Variants in IGF2 observed in about 807,000 individuals in gnomAD.
IGF2 encodes insulin-like growth factor 2.
IGF2 carries 2 observed loss-of-function variants against 12.0 expected under a neutral mutation model. That is an observed-to-expected ratio of 0.17 (90% CI 0.07 to 0.52). IGF2 has a LOEUF of 0.52. Ranked by LOEUF, IGF2 falls within the 20% of genes least tolerant of loss-of-function variation. IGF2 has a pLI of 0.95. For missense variants in IGF2, 211 were observed against 268.0 expected (o/e 0.79, Z 1.48); for synonymous variants, 105 against 110.1 (o/e 0.95, Z 0.29).
In IGF2 at chr11:2,133,683, CAG is replaced by C; in HGVS notation, c.158-20_158-19del. 2.5e-6 allele frequency: 4 copies of C among 1,612,442 alleles called. No homozygotes were observed. Among genetic ancestry groups the C allele is most frequent in the South Asian group, 1.1e-5 (1 of 90,994 alleles). The stretch of plus-strand genomic sequence containing the variant: ...GGGCCTGCCTGGAAGTCCCACAGCA[CAG>C]AGAGAGCCGTGTTAGCACCGCACTG... On this transcript the variant is annotated intron_variant, in intron 2 of 3. Transcript: ENST00000416167. The surrounding 1 kb of genome is among the most constrained non-coding windows in gnomAD (Gnocchi z 8.9).
upstream of IGF2, among the ~76,000 whole-genome samples, chr11:2,142,770 C>G (rs1042963473): frequency 1.3e-5 from 2 of 152,190 alleles, no homozygotes; most frequent in African/African-American, 4.8e-5. This position sits in a 1 kb window ranked among gnomAD's most constrained non-coding sequence, Gnocchi z 5.7. Flanking sequence ...GAACTGGGGC[C>G]GTTAGCAACA....
chr11:2,144,077 C>T (rs1199021278), upstream of IGF2, among the ~76,000 whole-genome samples: 1 of 110,268 alleles, frequency 9.1e-6, no homozygotes, highest in Non-Finnish European at 1.9e-5. Flanking sequence ...GTTTTTCTTC[C>T]TTTTGCTTTT....
Position 2,129,620 on chromosome 11 carries a change from C to G in IGF2, c.*3367G>C, listed in dbSNP as rs1212719570. The stretch of plus-strand genomic sequence containing the variant: ...GGGTTCCACAATTGTGACAATTTGG[C>G]TCTTTGGGCTTCTGTCCAATGTTCC... On this transcript the variant is annotated 3_prime_UTR_variant, in exon 4 of 4. Coordinates refer to ENST00000416167, the MANE Select transcript of IGF2 (RefSeq NM_000612.6). The surrounding 1 kb of genome is among the most constrained non-coding windows in gnomAD (Gnocchi z 8.1). 1 of 230,704 alleles carries G rather than the reference C, an allele frequency of 4.3e-6. No homozygotes were observed. Among genetic ancestry groups the G allele is most frequent in the Non-Finnish European group, 8.6e-6 (1 of 116,364 alleles). 14.3% of individuals were successfully genotyped at this position (230,704 alleles called of 1,614,324 possible).
chr11:2,138,149 GC>G, intron 1 of IGF2, 79 bp downstream of exon 1: 1 of 886,904 alleles, frequency 1.1e-6, no homozygotes, highest in Non-Finnish European at 1.4e-6. Flanking sequence ...CCGGGAGCGG[GC>G]GGAGGAAGGG....
In IGF2 at chr11:2,133,552, C is replaced by A. The variant is rs1590115049; in HGVS notation, c.271G>T (p.Glu91Ter). 6.2e-7 allele frequency: 1 copy of A among 1,612,836 alleles called. No homozygotes were observed. The highest frequency in any genetic ancestry group is 1.7e-5 in the Admixed American group (1 of 59,982). Residue 91 changes from glutamate (E) to a stop codon, truncating the protein, a stop_gained, in exon 3 of 4, where the codon GAG becomes TAG. Transcript: ENST00000416167. LOFTEE classifies it high-confidence loss of function. This position sits in a 1 kb window ranked among gnomAD's most constrained non-coding sequence, Gnocchi z 8.9. The part of the protein sequence containing the change: ...ETYCATPAKS[E>*]RDVSTPPTVL... ...GTCGGAGGGGTCGACACGTCCCTCT[C>A]GGACTTGGCGGGGGTAGCACAGTAC...
At chr11:2,147,635 G>A in the IGF2 span, 10 of 1,243,928 alleles carry the variant, frequency 8.0e-6, no homozygotes, top group South Asian at 4.0e-5. The surrounding 1 kb of genome is among the most constrained non-coding windows in gnomAD (Gnocchi z 7.2). Context: ...CGCTGGGGTC[G>A]CCTGGGCCAC....
intron 1 of IGF2, among the ~76,000 whole-genome samples, chr11:2,137,495 T>A (rs895517143): frequency 6.7e-6 from 1 of 150,324 alleles, no homozygotes; most frequent in Non-Finnish European, 1.5e-5. Flanking sequence ...GCTCCCATCC[T>A]GCACCCCCGG....
In IGF2 at chr11:2,133,266, G is replaced by A. The variant is rs1196276879; in HGVS notation, c.307-43C>T. ...TGGTCAGCAGGTGCCTGCTCTCCAC[G>A]CTCTTCCGCCTGAGCCGCCCGCCTG... On this transcript the variant is annotated intron_variant, in intron 3 of 3. Transcript: ENST00000416167. The surrounding 1 kb of genome is among the most constrained non-coding windows in gnomAD (Gnocchi z 8.9). 1.3e-5 allele frequency: 18 copies of A among 1,361,654 alleles called. No individual in the cohort carries two copies. Among genetic ancestry groups the A allele is most frequent in the Admixed American group, 6.9e-5 (3 of 43,234 alleles). 84.3% of individuals were successfully genotyped at this position (1,361,654 alleles called of 1,614,324 possible). A position where few individuals can be genotyped will look rare whatever the true frequency, so the allele number is the denominator to read the frequency against.
chr11:2,139,894 C>A (rs965159647), upstream of IGF2, among the ~76,000 whole-genome samples: 17 of 152,130 alleles, frequency 1.1e-4, no homozygotes, highest in South Asian at 3.5e-3. Context: ...CCCCTGGGCT[C>A]GGGCGGGGCG....
chr11:2,136,157 G>C (rs947505747), intron 1 of IGF2, among the ~76,000 whole-genome samples: 1 of 152,190 alleles, frequency 6.6e-6, no homozygotes, highest in Non-Finnish European at 1.5e-5. Flanking sequence ...CCAGGCCTGG[G>C]TCAAGGACTC....
chr11:2,144,540 G>T (rs920708595), upstream of IGF2, among the ~76,000 whole-genome samples: 1 of 152,252 alleles, frequency 6.6e-6, no homozygotes, highest in East Asian at 1.9e-4. Flanking sequence ...CGGGAGGAGG[G>T]GGGTGCAGGG....
rs963288409 is a variant in IGF2 at position 2,129,740 on chromosome 11, A to G, written c.*3247T>C. ...CCGGGGTCATGCCAGCCCCGTCACC[A>G]GGACCCAGAAGCCTCAGGCCTCTAG... On this transcript the variant is annotated 3_prime_UTR_variant, in exon 4 of 4. Transcript: ENST00000416167. The surrounding 1 kb of genome is among the most constrained non-coding windows in gnomAD (Gnocchi z 8.1). The G allele has an allele frequency of 3.9e-5, 9 of 231,878 alleles. No homozygotes were observed. Among genetic ancestry groups the G allele is most frequent in the South Asian group, 3.6e-4 (2 of 5,526 alleles). 14.4% of individuals were successfully genotyped at this position (231,878 alleles called of 1,614,324 possible).
chr11:2,132,043 T>TGCTC lies in IGF2; in HGVS notation c.*943_*944insGAGC, dbSNP rs1554913020. 9 of 184,380 alleles carry TGCTC rather than the reference T, an allele frequency of 4.9e-5. No homozygotes were observed. The highest frequency in any genetic ancestry group is 2.0e-4 in the South Asian group (1 of 4,948). The allele number at this position is 184,380 out of a possible 1,614,324, so 11.4% of individuals were successfully genotyped here. On this transcript the variant is annotated 3_prime_UTR_variant, in exon 4 of 4. Transcript: ENST00000416167. ...CTGTGTGCTGTGTGTGCTGTGCGTT[T>TGCTC]GTGTGTGTGCTGTGCTCGTGTGTGT...
intron 1 of IGF2, 130 bp from the exon 2 acceptor site, chr11:2,135,659 C>T: frequency 1.3e-6 from 1 of 765,462 alleles, no homozygotes; most frequent in Non-Finnish European, 2.1e-6. Context: ...TTCCTATAAA[C>T]ATTATTTTTA....
Position 2,133,736 on chromosome 11 carries a change from G to A in IGF2, c.158-71C>T, listed in dbSNP as rs187035867. On this transcript the variant is annotated intron_variant, in intron 2 of 3. Transcript: ENST00000416167. This position sits in a 1 kb window ranked among gnomAD's most constrained non-coding sequence, Gnocchi z 8.9. ...ACCCCAGCCCCCGGAGGCTGAAGGG[G>A]GAGCAAACCACCCCTGCCCTCAGGC... is the stretch of plus-strand genomic sequence containing the variant. 6 of 1,570,080 alleles carry A rather than the reference G, an allele frequency of 3.8e-6. No homozygotes were observed. The highest frequency in any genetic ancestry group is 5.2e-6 in the Non-Finnish European group (6 of 1,154,274).
chr11:2,137,150 G>T, intron 1 of IGF2: 2 of 842,748 alleles, frequency 2.4e-6, no homozygotes, highest in Non-Finnish European at 2.9e-6. Flanking sequence ...GCTGGAGTGG[G>T]ATGGCAGCGG....
the IGF2 span, chr11:2,149,528 C>A: frequency 1.6e-6 from 1 of 641,278 alleles, no homozygotes; most frequent in South Asian, 1.9e-5. Flanking sequence ...GAGCTTTGTG[C>A]CAACTTGGTA....
Position 2,130,181 on chromosome 11 carries a change from C to T in IGF2, c.*2806G>A, listed in dbSNP as rs928066949. On this transcript the variant is annotated 3_prime_UTR_variant, in exon 4 of 4. Transcript: ENST00000416167. ...ACACACCTGCTAGCCCCTTCCCCTC[C>T]GGCCAGCCTCAGGCCAGCCAGGAGC... 1.3e-5 allele frequency: 3 copies of T among 231,110 alleles called. No homozygotes were observed. The highest frequency in any genetic ancestry group is 1.7e-5 in the Non-Finnish European group (2 of 116,896). The allele number at this position is 231,110 out of a possible 1,614,324, so 14.3% of individuals were successfully genotyped here. A position where few individuals can be genotyped will look rare whatever the true frequency, so the allele number is the denominator to read the frequency against.
chr11:2,140,606 A>G, upstream of IGF2: 3 of 509,210 alleles, frequency 5.9e-6, no homozygotes, highest in Non-Finnish European at 1.1e-5. Context: ...CCACTTTGGG[A>G]CCCTCCAGCC....
Sources: allele counts gnomAD v4.1 joint callset (sites outside exome capture counted in the v4.1 genomes callset), GRCh38; gene constraint gnomAD v4.1.1; non-coding constraint Gnocchi (gnomAD v3.1); transcripts MANE v1.5; gene names NCBI Gene and HGNC (gene_info 2026-07-23, HGNC 2026-07-21).